SLC8A1: variants seen among roughly 807,000 people sequenced by gnomAD.
SLC8A1 encodes solute carrier family 8 member A1.
In SLC8A1, 18 loss-of-function variants were observed where a neutral mutation model predicts 68.3. The ratio of observed to expected loss-of-function variants is 0.26; its 90% confidence interval spans 0.18 to 0.39. SLC8A1 has a LOEUF of 0.39. Ranked by LOEUF, SLC8A1 falls within the 10% of genes least tolerant of loss-of-function variation. The probability of loss-of-function intolerance (pLI) is 1.00; values close to 1 mark genes in which losing one functional copy is unlikely to be tolerated. For synonymous variants in SLC8A1, 475 were observed against 415.5 expected, an observed-to-expected ratio of 1.14 and a Z score of -1.74; for missense variants, 985 against 1,156.7, an observed-to-expected ratio of 0.85 and a Z score of 2.15.
rs149336193 is a variant in SLC8A1 at position 40,408,258 on chromosome 2, T to C, written c.1808+20215A>G. Reference sequence around the variant, plus strand: ...ACCAGATACGCCTGATCTAAACTTATACCTTCAAAAGTCTTTATGTTGTTC... The same window carrying C: ...ACCAGATACGCCTGATCTAAACTTACACCTTCAAAAGTCTTTATGTTGTTC... On this transcript the variant is annotated intron_variant, in intron 2 of 7. Transcript: ENST00000406785. Among the ~76,000 whole-genome samples, 67 of 152,312 alleles carry C rather than the reference T, an allele frequency of 4.4e-4. No homozygotes were observed. The East Asian group carries it at 0.013, about 28-fold the overall frequency.
chr2:40,125,147 A>G (rs961461789), intron 7 of SLC8A1, among the ~76,000 whole-genome samples: 2 of 152,242 alleles, frequency 1.3e-5, no homozygotes, highest in African/African-American at 4.8e-5. Context: ...CTCTCTGGGA[A>G]GGAGTGAACG....
At chr2:40,494,640 A>AAT (rs34595267) in intron 1 of SLC8A1, among the ~76,000 whole-genome samples, 3,834 of 90,842 alleles carry the variant, frequency 0.042, 105 homozygotes, top group African/African-American at 0.059. Context: ...CTTAAAGTAT[A>AAT]ATATATATAT....
chr2:40,219,875 A>ATTTTT (rs1162934399), intron 2 of SLC8A1, among the ~76,000 whole-genome samples: 620 of 27,174 alleles, frequency 0.023, 29 homozygotes, highest in African/African-American at 0.057. Flanking sequence ...CTACTATAGG[A>ATTTTT]TTTTTTTTTT....
chr2:40,391,755 C>T lies in SLC8A1; in HGVS notation c.1808+36718G>A, dbSNP rs190872073. Among the ~76,000 whole-genome samples, 6 of 152,112 alleles carry T rather than the reference C, an allele frequency of 3.9e-5. No individual in the cohort carries two copies. The East Asian group carries it at 1.2e-3, about 30-fold the overall frequency. ...ATTTAGGGGGCACTGAAACCAAATA[C>T]CTTCACGTGTCAGATGACAAAATAA... On this transcript the variant is annotated intron_variant, in intron 2 of 7. Coordinates refer to ENST00000406785, the Ensembl canonical transcript of SLC8A1.
chr2:40,177,049 C>T (rs1228483547), intron 3 of SLC8A1, among the ~76,000 whole-genome samples: 1 of 151,766 alleles, frequency 6.6e-6, no homozygotes, highest in Non-Finnish European at 1.5e-5. Context: ...TTTATTTTTT[C>T]TTTTTTTTAT....
At chr2:40,427,047 G>T (rs1158940656) in intron 2 of SLC8A1, among the ~76,000 whole-genome samples, 1 of 151,790 alleles carries the variant, frequency 6.6e-6, no homozygotes, top group Non-Finnish European at 1.5e-5. Context: ...CTCAATAAGT[G>T]TAACACTAAC....
chr2:40,199,004 G>C (rs931505001), intron 2 of SLC8A1, among the ~76,000 whole-genome samples: 2 of 150,936 alleles, frequency 1.3e-5, no homozygotes, highest in Non-Finnish European at 2.9e-5. Flanking sequence ...TCTATTGTAA[G>C]CTTCTTGATG....
At chr2:40,312,425 A>C (rs1405297060) in intron 2 of SLC8A1, among the ~76,000 whole-genome samples, 1 of 147,526 alleles carries the variant, frequency 6.8e-6, no homozygotes, top group East Asian at 1.9e-4. Flanking sequence ...GTGGTCCAGG[A>C]AACTTCATCC....
intron 2 of SLC8A1, among the ~76,000 whole-genome samples, chr2:40,297,542 A>G (rs920384540): frequency 4.6e-4 from 70 of 152,236 alleles, no homozygotes; most frequent in Non-Finnish European, 2.9e-4. Flanking sequence ...CAGTACATCA[A>G]TACATCTTGA....
chr2:40,118,858 C>G (rs1396969349), intron 7 of SLC8A1, among the ~76,000 whole-genome samples: 1 of 151,850 alleles, frequency 6.6e-6, no homozygotes, highest in African/African-American at 2.4e-5. Flanking sequence ...TGGTGCTGTT[C>G]CATAGAACAC....
chr2:40,198,621 T>C (rs1379275705), intron 2 of SLC8A1, among the ~76,000 whole-genome samples: 1 of 151,890 alleles, frequency 6.6e-6, no homozygotes, highest in Non-Finnish European at 1.5e-5. Context: ...TCCACAGTAA[T>C]ACAGATAACA....
intron 7 of SLC8A1, among the ~76,000 whole-genome samples, chr2:40,133,559 A>G (rs2039847364): frequency 6.6e-6 from 1 of 152,154 alleles, no homozygotes. Context: ...AGGACAGCCT[A>G]TCATACCCAA....
intron 2 of SLC8A1, among the ~76,000 whole-genome samples, chr2:40,291,784 A>G (rs1331148924): frequency 6.6e-6 from 1 of 152,178 alleles, no homozygotes; most frequent in Admixed American, 6.5e-5. Context: ...TTCAGTTAAT[A>G]TAAACATTTT....
At chr2:40,238,678 A>G (rs549489402) in intron 2 of SLC8A1, among the ~76,000 whole-genome samples, 2 of 152,344 alleles carry the variant, frequency 1.3e-5, no homozygotes, top group East Asian at 1.9e-4. Context: ...GAGCTATGCA[A>G]TCAGTCTTCT....
intron 7 of SLC8A1, chr2:40,123,207 G>T (rs1257040527): frequency 6.6e-6 from 1 of 152,184 alleles, no homozygotes; most frequent in Non-Finnish European, 1.5e-5. Context: ...ATTTGACAAC[G>T]GACAGAGTGT....
intron 6 of SLC8A1, among the ~76,000 whole-genome samples, chr2:40,159,628 CATA>C: frequency 6.6e-6 from 1 of 152,080 alleles, no homozygotes; most frequent in East Asian, 1.9e-4. Flanking sequence ...TATAGAAAAA[CATA>C]AGAAATAAAA....
chr2:40,297,586 A>G (rs1432795178), intron 2 of SLC8A1, among the ~76,000 whole-genome samples: 1 of 152,216 alleles, frequency 6.6e-6, no homozygotes, highest in Non-Finnish European at 1.5e-5. Context: ...CTTTGTGTAA[A>G]GCAAACATTT....
exon 2 of SLC8A1, chr2:40,429,185 T>C (rs1697672672): frequency 6.2e-7 from 1 of 1,613,718 alleles, no homozygotes; most frequent in Non-Finnish European, 8.5e-7. Context: ...GTAGCTTGAA[T>C]GCGATAAAAT....
At chr2:40,315,438 A>ATTT (rs71406056) in intron 2 of SLC8A1, among the ~76,000 whole-genome samples, 27,141 of 138,112 alleles carry the variant, frequency 0.2, 3,147 homozygotes, top group East Asian at 0.37. Flanking sequence ...TTTCCTAAGA[A>ATTT]TTTTTTTTTT....
Sources: allele counts gnomAD v4.1 joint callset (sites outside exome capture counted in the v4.1 genomes callset), GRCh38; gene constraint gnomAD v4.1.1; transcripts MANE v1.5; gene names NCBI Gene and HGNC (gene_info 2026-07-23, HGNC 2026-07-21).